Variants in LEKR1 observed in about 807,000 individuals in gnomAD.
The protein encoded by LEKR1 is protein LEKR1.
A neutral mutation model predicts 72.4 loss-of-function variants in LEKR1; 59 were observed. That is an observed-to-expected ratio of 0.82 (90% CI 0.66 to 1.01). The LOEUF is 1.01. Among genes scored for constraint, LEKR1 ranks in the 50% least tolerant of loss-of-function variants. The pLI is 0.00. For synonymous variants in LEKR1, 257 were observed against 263.2 expected (o/e 0.98, Z 0.23); for missense variants, 728 against 759.2 (o/e 0.96, Z 0.48).
intron 11 of LEKR1, 90 bp from the exon 12 acceptor site, chr3:157,028,013 T>G (rs1734330210): frequency 1.2e-6 from 1 of 835,816 alleles, no homozygotes; most frequent in African/African-American, 1.7e-5. Flanking sequence ...AGTACACTGA[T>G]TAATGAAAAT....
At chr3:157,014,860 A>G (rs1283243452) in intron 10 of LEKR1, among the ~76,000 whole-genome samples, 2 of 152,290 alleles carry the variant, frequency 1.3e-5, no homozygotes, top group South Asian at 2.1e-4. Context: ...AAGTTAGGTA[A>G]TTTGCCAAAG....
chr3:156,854,297 C>T (rs1487769089), intron 3 of LEKR1, among the ~76,000 whole-genome samples: 6 of 151,936 alleles, frequency 3.9e-5, no homozygotes, highest in Non-Finnish European at 7.4e-5. Context: ...CTACACACCA[C>T]CATGCACGGC....
intron 5 of LEKR1, among the ~76,000 whole-genome samples, chr3:156,933,237 A>G (rs954690937): frequency 6.6e-6 from 1 of 152,186 alleles, no homozygotes; most frequent in Non-Finnish European, 1.5e-5. Context: ...AATATACTAT[A>G]TATTATGCAT....
chr3:156,854,157 T>G (rs1414958452), intron 3 of LEKR1, among the ~76,000 whole-genome samples: 1 of 141,494 alleles, frequency 7.1e-6, no homozygotes, highest in Non-Finnish European at 1.5e-5. Flanking sequence ...TTTTTTTTTT[T>G]TTTTGTGACA....
At chr3:156,876,634 G>T (rs943286075) in intron 3 of LEKR1, among the ~76,000 whole-genome samples, 8 of 152,092 alleles carry the variant, frequency 5.3e-5, no homozygotes, top group African/African-American at 2.4e-5. Flanking sequence ...GTCATTGTTG[G>T]TATATAGCAG....
At chr3:157,018,235 G>GA (rs995338603) in intron 10 of LEKR1, among the ~76,000 whole-genome samples, 12 of 152,044 alleles carry the variant, frequency 7.9e-5, no homozygotes, top group Non-Finnish European at 1.5e-4. Context: ...ATAATTGATA[G>GA]AAAAATAGCC....
intron 3 of LEKR1, among the ~76,000 whole-genome samples, chr3:156,894,220 C>T (rs1447608419): frequency 6.6e-6 from 1 of 152,146 alleles, no homozygotes; most frequent in African/African-American, 2.4e-5. Context: ...GATGGGGTAC[C>T]TGTTATCCAT....
At chr3:156,942,890 C>T in intron 6 of LEKR1, 176 bp downstream of exon 6, 1 of 296,628 alleles carries the variant, frequency 3.4e-6, no homozygotes, top group Non-Finnish European at 6.3e-6. Context: ...TACTTGCTGT[C>T]ATCATTTCCA....
At chr3:156,975,431 C>G (rs1247174986) in intron 6 of LEKR1, among the ~76,000 whole-genome samples, 2 of 152,094 alleles carry the variant, frequency 1.3e-5, no homozygotes, top group Middle Eastern at 3.2e-3. Flanking sequence ...TTTTGCGTTT[C>G]CTTTATCCAG....
At chr3:156,857,150 T>C (rs1030906363) in intron 3 of LEKR1, among the ~76,000 whole-genome samples, 1 of 152,148 alleles carries the variant, frequency 6.6e-6, no homozygotes, top group Admixed American at 6.5e-5. Flanking sequence ...AATAAATGCT[T>C]TTCTATCTTC....
At chr3:156,919,200 C>G (rs62275804) in intron 3 of LEKR1, among the ~76,000 whole-genome samples, 1 of 152,178 alleles carries the variant, frequency 6.6e-6, no homozygotes, top group African/African-American at 2.4e-5. Context: ...TCCCCAGATG[C>G]TCCACATTAA....
chr3:156,942,342 CTT>C (rs928590340), intron 5 of LEKR1, among the ~76,000 whole-genome samples, 185 bp from the exon 6 acceptor site: 1 of 151,844 alleles, frequency 6.6e-6, no homozygotes, highest in Non-Finnish European at 1.5e-5. Context: ...AGCAATAAAA[CTT>C]TTTTTATCGT....
At chr3:157,034,873 C>T (rs568556182) in intron 12 of LEKR1, among the ~76,000 whole-genome samples, 4 of 152,098 alleles carry the variant, frequency 2.6e-5, no homozygotes, top group East Asian at 1.9e-4. Flanking sequence ...AGTGCAGTGG[C>T]GCAATCTCAG....
At chr3:156,864,368 G>A (rs1307040522) in intron 3 of LEKR1, among the ~76,000 whole-genome samples, 2 of 152,038 alleles carry the variant, frequency 1.3e-5, no homozygotes, top group African/African-American at 4.8e-5. Flanking sequence ...TACCCTGGCT[G>A]CCAGGAATCT....
In LEKR1 at chr3:157,045,321, T is replaced by C; in HGVS notation, c.1669-19T>C. 6.3e-7 allele frequency: 1 copy of C among 1,591,776 alleles called. No homozygotes were observed. Among genetic ancestry groups the C allele is most frequent in the Non-Finnish European group, 8.6e-7 (1 of 1,167,452 alleles). On this transcript the variant is annotated intron_variant, in intron 12 of 12. Coordinates refer to ENST00000356539, the MANE Select transcript of LEKR1 (RefSeq NM_001004316.3). ...TGTTTAAAGCTAAGTCTGCTTTCTT[T>C]TCCCCTCTCTCTTTTCAGAATACTT...
At chr3:156,866,850 C>G (rs181159495) in intron 3 of LEKR1, among the ~76,000 whole-genome samples, 9 of 151,880 alleles carry the variant, frequency 5.9e-5, no homozygotes, top group Admixed American at 5.9e-4. Context: ...TTTTGTATTC[C>G]CCTTCCCCAC....
At chr3:156,900,851 G>A (rs1008155716) in intron 3 of LEKR1, among the ~76,000 whole-genome samples, 4 of 152,076 alleles carry the variant, frequency 2.6e-5, no homozygotes, top group Non-Finnish European at 5.9e-5. Flanking sequence ...GAAGTGAAGA[G>A]CATACAATAT....
intron 5 of LEKR1, among the ~76,000 whole-genome samples, chr3:156,928,544 G>A (rs2108575906): frequency 6.6e-6 from 1 of 152,134 alleles, no homozygotes; most frequent in South Asian, 2.1e-4. Flanking sequence ...TGAGAGCAAG[G>A]TACAGTTTGC....
At chr3:156,833,195 C>T (rs1712665188) in intron 2 of LEKR1, among the ~76,000 whole-genome samples, 1 of 152,204 alleles carries the variant, frequency 6.6e-6, no homozygotes, top group African/African-American at 2.4e-5. Flanking sequence ...TTAGTTCAGT[C>T]CATACAGTTA....
Sources: allele counts gnomAD v4.1 joint callset (sites outside exome capture counted in the v4.1 genomes callset), GRCh38; gene constraint gnomAD v4.1.1; transcripts MANE v1.5; gene names NCBI Gene and HGNC (gene_info 2026-07-23, HGNC 2026-07-21).